RAB30: variants seen among roughly 807,000 people sequenced by gnomAD.
RAB30 encodes ras-related protein Rab-30.
A neutral mutation model predicts 25.1 loss-of-function variants in RAB30; 9 were observed. That is an observed-to-expected ratio of 0.36 (90% confidence interval 0.22 to 0.63). The LOEUF is 0.63. Among genes scored for constraint, RAB30 ranks in the 20% least tolerant of loss-of-function variants. The probability of loss-of-function intolerance (pLI) is 0.69; values close to 1 mark genes in which losing one functional copy is unlikely to be tolerated. For missense variants in RAB30, 140 were observed against 243.5 expected, an observed-to-expected ratio of 0.58 and a Z score of 2.83; for synonymous variants, 77 against 86.4, an observed-to-expected ratio of 0.89 and a Z score of 0.60.
At chr11:82,984,396 T>C (rs1856698951) in intron 4 of RAB30, among the ~76,000 whole-genome samples, 1 of 152,148 alleles carries the variant, frequency 6.6e-6, no homozygotes, top group South Asian at 2.1e-4. Context: ...TGTTCCCTCA[T>C]ACTAGAATCG....
chr11:83,062,528 C>T (rs757518783), intron 1 of RAB30, among the ~76,000 whole-genome samples: 1 of 152,186 alleles, frequency 6.6e-6, no homozygotes, highest in Non-Finnish European at 1.5e-5. Context: ...AAAAGTCATT[C>T]AGCCTACAAA....
At position 83,005,957 on chromosome 11, in the gene RAB30, T is replaced by A. The variant is rs190936984; in HGVS notation, c.-8-8633A>T. The stretch of plus-strand genomic sequence containing the variant: ...AAAATAGCACTTACATTTTTTTTTT[T>A]AAAAAACTGATCAATCTTACAAAAG... On this transcript the variant is annotated intron_variant, in intron 1 of 4. Transcript: ENST00000527633. Among the ~76,000 whole-genome samples the A allele has an allele frequency of 5.2e-3, 785 of 151,196 alleles. 3 individuals carry two copies. Among genetic ancestry groups the A allele is most frequent in the Non-Finnish European group, 9.1e-3 (619 of 67,770 alleles).
At chr11:83,011,369 A>C (rs1590851040) in intron 1 of RAB30, among the ~76,000 whole-genome samples, 1 of 152,316 alleles carries the variant, frequency 6.6e-6, no homozygotes, top group East Asian at 1.9e-4. Context: ...ACTTAATATA[A>C]ATCTTGTACT....
At chr11:83,000,896 A>C (rs574133163) in intron 1 of RAB30, among the ~76,000 whole-genome samples, 2 of 151,522 alleles carry the variant, frequency 1.3e-5, no homozygotes, top group Non-Finnish European at 2.9e-5. Context: ...AAATACAAAA[A>C]ATTAGCCGGG....
At chr11:83,048,248 G>A (rs1010726102) in intron 1 of RAB30, among the ~76,000 whole-genome samples, 5 of 152,146 alleles carry the variant, frequency 3.3e-5, no homozygotes, top group African/African-American at 4.8e-5. Flanking sequence ...TAGAGGCTGA[G>A]GTAGGAGGAT....
chr11:83,059,214 T>C (rs1858514777), intron 1 of RAB30, among the ~76,000 whole-genome samples: 1 of 152,220 alleles, frequency 6.6e-6, no homozygotes, highest in Non-Finnish European at 1.5e-5. Flanking sequence ...AATGCTGGGA[T>C]TACAGGTGTG....
At chr11:83,020,982 T>C (rs1274072461) in intron 1 of RAB30, among the ~76,000 whole-genome samples, 2 of 151,996 alleles carry the variant, frequency 1.3e-5, no homozygotes, top group African/African-American at 2.4e-5. Flanking sequence ...TCTCTGCTGA[T>C]AGCAGGAGCT....
intron 1 of RAB30, among the ~76,000 whole-genome samples, chr11:83,045,465 A>G (rs936457238): frequency 5.3e-5 from 8 of 152,190 alleles, no homozygotes; most frequent in African/African-American, 1.9e-4. Context: ...GTATATGCCA[A>G]GCCCAGAGTA....
chr11:83,014,947 T>C (rs1458577838), intron 1 of RAB30, among the ~76,000 whole-genome samples: 2 of 152,036 alleles, frequency 1.3e-5, no homozygotes, highest in East Asian at 1.9e-4. Flanking sequence ...AGGGGCCCTA[T>C]GTGACAATGA....
intron 1 of RAB30, among the ~76,000 whole-genome samples, chr11:83,053,457 G>T (rs1327237017): frequency 6.6e-6 from 1 of 151,974 alleles, no homozygotes; most frequent in Non-Finnish European, 1.5e-5. Flanking sequence ...GTAACTCAGC[G>T]GTACTTAGTA....
At position 82,977,660 on chromosome 11, in the gene RAB30, G is replaced by A. The variant is rs1856567527; in HGVS notation, c.*4505C>T. 6.6e-6 allele frequency: 1 copy of A among 152,080 alleles called. No individual in the cohort carries two copies. Among genetic ancestry groups the A allele is most frequent in the Non-Finnish European group, 1.5e-5 (1 of 68,018 alleles). The allele number at this position is 152,080 out of a possible 1,614,324, so 9.4% of individuals were successfully genotyped here. On this transcript the variant is annotated 3_prime_UTR_variant, in exon 5 of 5. Coordinates refer to ENST00000527633, the MANE Select transcript of RAB30 (RefSeq NM_001286060.2). The stretch of plus-strand genomic sequence containing the variant: ...AGCATCTTGTTCTAATGCACTAATT[G>A]TATTCCCCTCTTTTTCCTAACCTAA...
chr11:83,047,887 A>G (rs1858267256), intron 1 of RAB30, among the ~76,000 whole-genome samples: 2 of 152,134 alleles, frequency 1.3e-5, no homozygotes, highest in South Asian at 4.1e-4. Context: ...CACACACTTC[A>G]TTGTCATACT....
chr11:82,992,281 CA>C (rs1462084038), intron 3 of RAB30: 1 of 455,974 alleles, frequency 2.2e-6, no homozygotes, highest in Non-Finnish European at 4.4e-6. Flanking sequence ...TATTTTTGTT[CA>C]CTTTTTAGTT....
intron 1 of RAB30, among the ~76,000 whole-genome samples, chr11:83,009,076 CTT>C (rs3037193): frequency 2.8e-5 from 4 of 143,250 alleles, no homozygotes; most frequent in Non-Finnish European, 4.6e-5. Flanking sequence ...AGCGGGAAAC[CTT>C]TTTTTTTTTT....
At chr11:83,009,128 G>A (rs1857251100) in intron 1 of RAB30, among the ~76,000 whole-genome samples, 2 of 151,106 alleles carry the variant, frequency 1.3e-5, no homozygotes, top group Admixed American at 1.3e-4. Context: ...AAGTACAATG[G>A]TGAGATCCCA....
At position 82,975,674 on chromosome 11, in the gene RAB30, C is replaced by G. The variant is rs1324297934; in HGVS notation, c.*6491G>C. The G allele has an allele frequency of 6.6e-6, 1 of 152,004 alleles. No homozygotes were observed. The highest frequency in any genetic ancestry group is 6.6e-5 in the Admixed American group (1 of 15,262). The allele number at this position is 152,004 out of a possible 1,614,324, so 9.4% of individuals were successfully genotyped here. Reference sequence around the variant, plus strand: ...ATTCTTCAGAAGCACACTTTGTTATCAATTATGTAACTAAAGAATCAAAGT... The same window carrying G: ...ATTCTTCAGAAGCACACTTTGTTATGAATTATGTAACTAAAGAATCAAAGT... On this transcript the variant is annotated 3_prime_UTR_variant, in exon 5 of 5. Transcript: ENST00000527633.
chr11:83,059,392 G>A (rs77219742), intron 1 of RAB30, among the ~76,000 whole-genome samples: 1 of 152,136 alleles, frequency 6.6e-6, no homozygotes, highest in African/African-American at 2.4e-5. Flanking sequence ...CCTAATTCTT[G>A]TTTGCAGTTT....
chr11:83,039,121 T>C (rs995143119), intron 1 of RAB30: 6 of 152,182 alleles, frequency 3.9e-5, no homozygotes, highest in African/African-American at 1.4e-4. Flanking sequence ...TGAAAGAAAG[T>C]TACCTACTGT....
Position 82,982,423 on chromosome 11 carries a change from A to G in RAB30, c.362-8T>C. 6.2e-7 allele frequency: 1 copy of G among 1,610,338 alleles called. No individual in the cohort carries two copies. The highest frequency in any genetic ancestry group is 8.5e-7 in the Non-Finnish European group (1 of 1,178,484). ...CCAGGTCAATCTTGTTGCCTATAACAGTAGTAAAATCAAATAAAGAATCAG... is the reference window on the plus strand; with the variant it reads ...CCAGGTCAATCTTGTTGCCTATAACGGTAGTAAAATCAAATAAAGAATCAG... On this transcript the variant is annotated splice_polypyrimidine_tract_variant and splice_region_variant and intron_variant, in intron 4 of 4. Coordinates refer to ENST00000527633, the MANE Select transcript of RAB30 (RefSeq NM_001286060.2).
Sources: allele counts gnomAD v4.1 joint callset (sites outside exome capture counted in the v4.1 genomes callset), GRCh38; gene constraint gnomAD v4.1.1; transcripts MANE v1.5; gene names NCBI Gene and HGNC (gene_info 2026-07-23, HGNC 2026-07-21).